Variants in TIMELESS observed in about 807,000 individuals in gnomAD.
The protein encoded by TIMELESS is protein timeless homolog.
In TIMELESS, 124 loss-of-function variants were observed where a neutral mutation model predicts 164.3. The ratio of observed to expected loss-of-function variants is 0.75; its 90% CI spans 0.65 to 0.88. TIMELESS has a LOEUF of 0.88. TIMELESS is among the 40% of genes least tolerant of loss of function. The pLI is 0.00. For missense variants in TIMELESS, 1,422 were observed against 1,491.4 expected (o/e 0.95, Z 0.77); for synonymous variants, 564 against 563.4 (o/e 1.00, Z -0.02).
intron 13 of TIMELESS, among the ~76,000 whole-genome samples, chr12:56,425,583 A>G (rs1485332057): frequency 6.6e-6 from 1 of 152,180 alleles, no homozygotes; most frequent in African/African-American, 2.4e-5. Context: ...TTTCTCCTGA[A>G]AAGTAGGACA....
At position 56,425,135 on chromosome 12, in the gene TIMELESS, T is replaced by C; in HGVS notation, c.1596A>G (p.Arg532=). The change falls in exon 14 of 29, where the codon AGA becomes AGG. Residue 532 remains arginine (R), a synonymous_variant. Transcript: ENST00000553532. ...CTAGGACCTTCTTCTTCTTCTTCCT[T>C]CTCTTCTTTTGTTTGTTCTGTGGGG... The part of the protein sequence containing the change: ...NLVVQNKQKK[R]RKKKKKVLDQ... The C allele has an allele frequency of 6.2e-7, 1 of 1,613,606 alleles. No homozygotes were observed. Among genetic ancestry groups the C allele is most frequent in the Non-Finnish European group, 8.5e-7 (1 of 1,179,942 alleles).
In TIMELESS at chr12:56,432,953, C is replaced by CAAAA. The variant is rs67816652; in HGVS notation, c.531+69_531+72dup. 1,049 of 544,638 alleles carry CAAAA rather than the reference C, an allele frequency of 1.9e-3. 3 individuals carry two copies. The highest frequency in any genetic ancestry group is 4.8e-3 in the Admixed American group (98 of 20,236). The allele number at this position is 544,638 out of a possible 1,614,324, so 33.7% of individuals were successfully genotyped here. ...CTGGCGACAGAGAGAGACTCCGTCT[C>CAAAA]AAAAAAAAAAAAAAAAAAAAAGGCA... On this transcript the variant is annotated intron_variant, in intron 6 of 28. Transcript: ENST00000553532.
intron 11 of TIMELESS, 110 bp from the exon 12 acceptor site, chr12:56,428,762 C>A: frequency 6.8e-7 from 1 of 1,464,066 alleles, no homozygotes; most frequent in Non-Finnish European, 9.4e-7. Flanking sequence ...AACTAAATTT[C>A]CCAGCCAGTC....
In TIMELESS at chr12:56,421,729, T is replaced by C; in HGVS notation, c.2723A>G (p.Asp908Gly). The C allele has an allele frequency of 3.7e-6, 6 of 1,614,070 alleles. No homozygotes were observed. The highest frequency in any genetic ancestry group is 5.1e-6 in the Non-Finnish European group (6 of 1,179,974). ...QRLFEEFRDSDDVLGHIMKNI... is the reference protein window; with the variant it reads ...QRLFEEFRDSGDVLGHIMKNI... ...CCCTGAGTTTCCAGCTTACTCACCATCTGAGTCCCGGAATTCCTCAAAAAG... is the reference window on the plus strand; with the variant it reads ...CCCTGAGTTTCCAGCTTACTCACCACCTGAGTCCCGGAATTCCTCAAAAAG... The change falls in exon 22 of 29, where the codon GAT becomes GGT. Residue 908 changes from aspartate (D) to glycine (G), a missense_variant and splice_region_variant. Coordinates refer to ENST00000553532, the MANE Select transcript of TIMELESS (RefSeq NM_003920.5).
chr12:56,430,002 G>C, intron 10 of TIMELESS, 103 bp downstream of exon 10: 1 of 1,163,448 alleles, frequency 8.6e-7, no homozygotes, highest in Non-Finnish European at 1.2e-6. Context: ...ACATTCCAGG[G>C]GCAGCCTCCC....
Position 56,417,671 on chromosome 12 carries a change from C to A in TIMELESS, c.*45G>T. On this transcript the variant is annotated 3_prime_UTR_variant, in exon 29 of 29. Coordinates refer to ENST00000553532, the MANE Select transcript of TIMELESS (RefSeq NM_003920.5). ...CCCTTCCAACTCTGACTTGAATGCACCATCTAAAAACGTGTCTATCTCTAC... is the reference window on the plus strand; with the variant it reads ...CCCTTCCAACTCTGACTTGAATGCAACATCTAAAAACGTGTCTATCTCTAC... The A allele has an allele frequency of 6.3e-7, 1 of 1,597,878 alleles. No individual in the cohort carries two copies.
At chr12:56,429,809 C>T (rs1881812248) in intron 10 of TIMELESS, among the ~76,000 whole-genome samples, 1 of 151,828 alleles carries the variant, frequency 6.6e-6, no homozygotes, top group African/African-American at 2.4e-5. Flanking sequence ...AGCCACCACG[C>T]CGGGACACCG....
At chr12:56,430,470 A>AT (rs72478992) in intron 9 of TIMELESS, among the ~76,000 whole-genome samples, 189 bp from the exon 10 acceptor site, 2,810 of 152,178 alleles carry the variant, frequency 0.018, 75 homozygotes, top group African/African-American at 0.062. Context: ...GGCTCAAGGA[A>AT]TCCTCCCACC....
In TIMELESS at chr12:56,431,554, C is replaced by T. The variant is rs1565684545; in HGVS notation, c.738G>A (p.Arg246=). The T allele has an allele frequency of 6.2e-7, 1 of 1,613,890 alleles. No homozygotes were observed. Among genetic ancestry groups the T allele is most frequent in the Non-Finnish European group, 8.5e-7 (1 of 1,179,976 alleles). Residue 246 remains arginine (R), a synonymous_variant, in exon 8 of 29, where the codon CGG becomes CGA. Coordinates refer to ENST00000553532, the MANE Select transcript of TIMELESS (RefSeq NM_003920.5). ...CCTCCAGTTCTGCAAAATCTGCACTCCGCTCCTGAGCTAAGCGTCCCTGCC... is the reference window on the plus strand; with the variant it reads ...CCTCCAGTTCTGCAAAATCTGCACTTCGCTCCTGAGCTAAGCGTCCCTGCC... ...GVGQGRLAQE[R]SADFAELEVL... is the part of the protein sequence containing the mutation.
chr12:56,441,857 G>T (rs559103356), intron 1 of TIMELESS, among the ~76,000 whole-genome samples: 1 of 152,238 alleles, frequency 6.6e-6, no homozygotes, highest in African/African-American at 2.4e-5. Context: ...GCCAAGGCGG[G>T]TGGATCACAA....
intron 1 of TIMELESS, among the ~76,000 whole-genome samples, chr12:56,436,921 G>A (rs962752005): frequency 2.6e-5 from 4 of 151,832 alleles, no homozygotes; most frequent in African/African-American, 4.8e-5. Context: ...GGCATATAGC[G>A]AGCATGCAAT....
chr12:56,420,029 A>AAAAAAAAAAAATATATAT (rs1555176447), intron 26 of TIMELESS, among the ~76,000 whole-genome samples: 1 of 75,188 alleles, frequency 1.3e-5, no homozygotes, highest in African/African-American at 6.7e-5. Context: ...AAAAAAAAAA[A>AAAAAAAAAAAATATATAT]ATATATATAT....
Position 56,421,917 on chromosome 12 carries a change from C to G in TIMELESS, c.2624G>C (p.Ser875Thr). 1 of 1,614,180 alleles carries G rather than the reference C, an allele frequency of 6.2e-7. No individual in the cohort carries two copies. The highest frequency in any genetic ancestry group is 8.5e-7 in the Non-Finnish European group (1 of 1,180,030). ...HHLVQMGLADSVKDFQRKGTH... is the reference protein window; with the variant it reads ...HHLVQMGLADTVKDFQRKGTH... ...TCTCTACCTTTGGAAGTCCTTGACA[C>G]TGTCAGCCAGTCCCATCTGTACCAG... The change falls in exon 21 of 29, where the codon AGT (serine) becomes ACT (threonine). Residue 875 changes from serine to threonine, a missense_variant. By Grantham distance (58) the Ser-to-Thr change is moderately conservative (BLOSUM62 1). Transcript: ENST00000553532.
intron 26 of TIMELESS, among the ~76,000 whole-genome samples, chr12:56,420,027 A>T (rs868776566): frequency 7.6e-4 from 65 of 85,738 alleles, no homozygotes; most frequent in African/African-American, 3.2e-3. Flanking sequence ...AAAAAAAAAA[A>T]AAATATATAT....
chr12:56,446,143 G>A (rs1331334925), intron 1 of TIMELESS, among the ~76,000 whole-genome samples: 2 of 152,068 alleles, frequency 1.3e-5, no homozygotes, highest in Admixed American at 6.6e-5. Context: ...GGGCTCAAGC[G>A]ACCCACCCAC....
At chr12:56,433,254 G>T in intron 5 of TIMELESS, 127 bp from the exon 6 acceptor site, 1 of 1,374,324 alleles carries the variant, frequency 7.3e-7, no homozygotes, top group Non-Finnish European at 1.0e-6. Flanking sequence ...TACTGAGGCA[G>T]CCAGAGACTA....
At chr12:56,425,938 A>G (rs567539379) in intron 13 of TIMELESS, among the ~76,000 whole-genome samples, 1 of 152,270 alleles carries the variant, frequency 6.6e-6, no homozygotes, top group East Asian at 1.9e-4. Context: ...TCAATACCCA[A>G]ATCCTGCTTC....
chr12:56,446,854 T>G (rs1159886006), intron 1 of TIMELESS, among the ~76,000 whole-genome samples: 1 of 151,770 alleles, frequency 6.6e-6, no homozygotes, highest in Non-Finnish European at 1.5e-5. Flanking sequence ...TCCTCCTGAC[T>G]TCTCCATACA....
intron 15 of TIMELESS, among the ~76,000 whole-genome samples, chr12:56,424,150 T>C (rs184589758): frequency 6.6e-6 from 1 of 152,318 alleles, no homozygotes; most frequent in Non-Finnish European, 1.5e-5. Flanking sequence ...ATTCACACAA[T>C]GGTGTTTTAA....
Sources: allele counts gnomAD v4.1 joint callset (sites outside exome capture counted in the v4.1 genomes callset), GRCh38; gene constraint gnomAD v4.1.1; transcripts MANE v1.5; gene names NCBI Gene and HGNC (gene_info 2026-07-23, HGNC 2026-07-21).